Variants in NAA60 observed in about 807,000 individuals in gnomAD.
NAA60 encodes N-alpha-acetyltransferase 60, NatF catalytic subunit, also known as N-alpha-acetyltransferase 60.
Under a neutral mutation model 26.1 loss-of-function variants are expected in NAA60, and 8 were observed. The observed-to-expected ratio is 0.31, with a 90% CI of 0.18 to 0.55. The LOEUF is 0.55. NAA60 is among the 20% of genes least tolerant of loss of function. NAA60 has a pLI of 0.93. For synonymous variants in NAA60, 131 were observed against 122.5 expected, an observed-to-expected ratio of 1.07 and a Z score of -0.46; for missense variants, 290 against 311.3, an observed-to-expected ratio of 0.93 and a Z score of 0.51.
At chr16:3,469,255 CTGTT>C in intron 2 of NAA60, among the ~76,000 whole-genome samples, 3 of 135,344 alleles carry the variant, frequency 2.2e-5, no homozygotes, top group African/African-American at 8.2e-5. Context: ...GGTACCCATC[CTGTT>C]TAGAGGGCTC....
At chr16:3,454,248 G>C (rs1200100051) in intron 2 of NAA60, among the ~76,000 whole-genome samples, 2 of 152,148 alleles carry the variant, frequency 1.3e-5, no homozygotes, top group Non-Finnish European at 1.5e-5. Flanking sequence ...TAGGATACAG[G>C]CAAGTGCCAT....
At chr16:3,447,265 C>T (rs758435153) in intron 1 of NAA60, among the ~76,000 whole-genome samples, 1 of 152,114 alleles carries the variant, frequency 6.6e-6, no homozygotes, top group Non-Finnish European at 1.5e-5. Context: ...AACAAAGTTG[C>T]TTTTGAAGAC....
chr16:3,473,963 AC>A, intron 2 of NAA60, among the ~76,000 whole-genome samples: 1 of 152,072 alleles, frequency 6.6e-6, no homozygotes, highest in South Asian at 2.1e-4. Flanking sequence ...TGAACTACTG[AC>A]CTCAGGTGAT....
chr16:3,483,654 G>A, intron 6 of NAA60, 57 bp downstream of exon 6: 1 of 1,386,870 alleles, frequency 7.2e-7, no homozygotes, highest in Non-Finnish European at 1.0e-6. Context: ...AGGTGGCAGA[G>A]CCAGTGAGCA....
chr16:3,483,511 C>G lies in NAA60; in HGVS notation c.486C>G (p.Pro162=). 1 of 1,613,878 alleles carries G rather than the reference C, an allele frequency of 6.2e-7. No individual in the cohort carries two copies. The highest frequency in any genetic ancestry group is 1.1e-5 in the South Asian group (1 of 91,078). The change falls in exon 6 of 8, where the codon CCC becomes CCG. Residue 162 remains proline (P), a synonymous_variant. Coordinates refer to ENST00000407558, the MANE Select transcript of NAA60 (RefSeq NM_001083601.3). ...NRDFKQHHYL[P]YYYSIRGVLK... ...ACTTCAAGCAGCACCACTATCTCCC[C>G]TATTACTACTCCATTCGAGGGGTCC...
At chr16:3,459,910 A>C (rs2035267557) in intron 2 of NAA60, among the ~76,000 whole-genome samples, 1 of 152,170 alleles carries the variant, frequency 6.6e-6, no homozygotes, top group East Asian at 1.9e-4. Context: ...CATGCTTCAG[A>C]TTAGAATGGA....
At chr16:3,455,386 G>GTTTTTTTTTTTT (rs35501650) in intron 2 of NAA60, among the ~76,000 whole-genome samples, 1 of 101,968 alleles carries the variant, frequency 9.8e-6, no homozygotes, top group African/African-American at 4.0e-5. Flanking sequence ...AGAGTTTTTA[G>GTTTTTTTTTTTT]TTTTTTTTTT....
chr16:3,455,386 GTTTT>G (rs35501650), intron 2 of NAA60, among the ~76,000 whole-genome samples: 1 of 101,958 alleles, frequency 9.8e-6, no homozygotes, highest in Non-Finnish European at 1.9e-5. Flanking sequence ...AGAGTTTTTA[GTTTT>G]TTTTTTTTTT....
intron 2 of NAA60, among the ~76,000 whole-genome samples, chr16:3,465,895 C>T (rs578092460): frequency 5.3e-5 from 8 of 152,224 alleles, no homozygotes; most frequent in East Asian, 1.9e-4. Context: ...AATGCAATTG[C>T]GATAAATTAA....
intron 2 of NAA60, among the ~76,000 whole-genome samples, chr16:3,462,442 T>G (rs2035472127): frequency 6.6e-6 from 1 of 152,240 alleles, no homozygotes; most frequent in Non-Finnish European, 1.5e-5. Flanking sequence ...ACTCCTGCTG[T>G]AAACTGTTCA....
chr16:3,485,470 C>T lies in NAA60; in HGVS notation c.*210C>T, dbSNP rs1324054062. 4.4e-6 allele frequency: 2 copies of T among 457,096 alleles called. No individual in the cohort carries two copies. Among genetic ancestry groups the T allele is most frequent in the Admixed American group, 2.3e-5 (1 of 42,566 alleles). 28.3% of individuals were successfully genotyped at this position (457,096 alleles called of 1,614,324 possible). The stretch of plus-strand genomic sequence containing the variant: ...CCTGCTCTTCTCTTTCCCACAGGCT[C>T]TTCAGCTCCCCTCCCTGCTTCTGGA... On this transcript the variant is annotated 3_prime_UTR_variant, in exon 8 of 8. Coordinates refer to ENST00000407558, the MANE Select transcript of NAA60 (RefSeq NM_001083601.3).
chr16:3,469,183 A>G (rs1387841518), intron 2 of NAA60, among the ~76,000 whole-genome samples: 1 of 152,158 alleles, frequency 6.6e-6, no homozygotes, highest in Non-Finnish European at 1.5e-5. Flanking sequence ...TTTTAGGAAC[A>G]TGTTCTGAAA....
At chr16:3,444,966 G>A (rs1347331356) in intron 1 of NAA60, among the ~76,000 whole-genome samples, 2 of 152,150 alleles carry the variant, frequency 1.3e-5, no homozygotes, top group African/African-American at 4.8e-5. Flanking sequence ...AAAAAGAGAT[G>A]TGGAAAATAA....
rs144183479 is a variant in NAA60 at position 3,477,841 on chromosome 16, G to A, written c.110+1504G>A. On this transcript the variant is annotated intron_variant, in intron 3 of 7. Transcript: ENST00000407558. ...AGCACTTTGGGAGGCCGAGGCGGGT[G>A]GATCACGAAGTCAGGAGTTCAAGAC... 2.6e-3 allele frequency among the ~76,000 whole-genome samples: 390 copies of A among 152,142 alleles called. 1 individual carries two copies. The highest frequency in any genetic ancestry group is 8.3e-3 in the African/African-American group (343 of 41,502).
At position 3,481,192 on chromosome 16, in the gene NAA60, C is replaced by T. The variant is rs139519250; in HGVS notation, c.241-1310C>T. ...TGGAGTGCAGTGATGCGATCCTGAT[C>T]CCGGCTCACTGCAACCTCCGCCTCT... On this transcript the variant is annotated intron_variant, in intron 4 of 7. Transcript: ENST00000407558. Among the ~76,000 whole-genome samples, 3 of 152,180 alleles carry T rather than the reference C, an allele frequency of 2.0e-5. No homozygotes were observed. In the East Asian group the frequency reaches 5.8e-4, roughly 29 times the overall value.
Position 3,485,899 on chromosome 16 carries a change from C to CACGCATCAGGACGGTTCCT in NAA60, c.*642_*660dup. 1 of 354,644 alleles carries CACGCATCAGGACGGTTCCT rather than the reference C, an allele frequency of 2.8e-6. No individual in the cohort carries two copies. Among genetic ancestry groups the CACGCATCAGGACGGTTCCT allele is most frequent in the South Asian group, 2.1e-5 (1 of 47,994 alleles). 22.0% of individuals were successfully genotyped at this position (354,644 alleles called of 1,614,324 possible). A position where few individuals can be genotyped will look rare whatever the true frequency, so the allele number is the denominator to read the frequency against. ...GGCTCAGCCCCCTGGCACAGGCGGT[C>CACGCATCAGGACGGTTCCT]ACGCATCAGGACGGTTCCTACTCCT... is the stretch of plus-strand genomic sequence containing the variant. On this transcript the variant is annotated 3_prime_UTR_variant, in exon 8 of 8. Coordinates refer to ENST00000407558, the MANE Select transcript of NAA60 (RefSeq NM_001083601.3).
At chr16:3,484,303 G>C (rs1282376578) in intron 6 of NAA60, among the ~76,000 whole-genome samples, 1 of 152,128 alleles carries the variant, frequency 6.6e-6, no homozygotes, top group East Asian at 1.9e-4. Flanking sequence ...GCATCCAGGG[G>C]GTCAGCACTG....
At chr16:3,458,276 C>T (rs2150958511) in intron 2 of NAA60, 2 of 788,274 alleles carry the variant, frequency 2.5e-6, no homozygotes, top group African/African-American at 1.9e-5. Context: ...GTCAGGGGGG[C>T]CAGCGCCCAC....
chr16:3,448,687 A>C (rs905185071), intron 2 of NAA60, 147 bp downstream of exon 2: 49 of 634,588 alleles, frequency 7.7e-5, no homozygotes, highest in Admixed American at 5.5e-4. Context: ...CTAGTGAAAC[A>C]AATGCTTTCA....
Sources: gnomAD v4.1 joint callset for allele counts (sites outside exome capture counted in the v4.1 genomes callset) on GRCh38, gnomAD v4.1.1 for gene constraint, MANE v1.5 for transcripts, NCBI Gene and HGNC (gene_info 2026-07-23, HGNC 2026-07-21) for gene names.